The following RMND5B variants were observed in gnomAD, a reference collection of about 807,000 sequenced individuals.
The protein encoded by RMND5B is E3 ubiquitin-protein transferase RMND5B.
A neutral mutation model predicts 50.4 loss-of-function variants in RMND5B; 42 were observed. That is an observed-to-expected ratio of 0.83 (90% CI 0.65 to 1.08). RMND5B has a LOEUF of 1.08. Ranked by LOEUF, RMND5B falls within the 50% of genes least tolerant of loss-of-function variation. The pLI is 0.00. For synonymous variants in RMND5B, 220 were observed against 210.0 expected, an observed-to-expected ratio of 1.05 and a Z score of -0.41; for missense variants, 463 against 508.5, an observed-to-expected ratio of 0.91 and a Z score of 0.86.
intron 2 of RMND5B, among the ~76,000 whole-genome samples, chr5:178,133,847 G>T (rs1295555856): frequency 2.0e-5 from 3 of 152,076 alleles, no homozygotes; most frequent in Non-Finnish European, 2.9e-5. Flanking sequence ...GAGTAGCTGG[G>T]ACTACGGGTG....
chr5:178,133,427 CG>C (rs1758441401), intron 2 of RMND5B: 1 of 152,130 alleles, frequency 6.6e-6, no homozygotes, highest in South Asian at 2.1e-4. Flanking sequence ...AAATTTGAGA[CG>C]GAGTTTTTGC....
At position 178,138,320 on chromosome 5, in the gene RMND5B, G is replaced by C; in HGVS notation, c.139+62G>C. 6.3e-7 allele frequency: 1 copy of C among 1,582,676 alleles called. No individual in the cohort carries two copies. The highest frequency in any genetic ancestry group is 8.6e-7 in the Non-Finnish European group (1 of 1,164,298). On this transcript the variant is annotated intron_variant, in intron 3 of 10. Coordinates refer to ENST00000313386, the MANE Select transcript of RMND5B (RefSeq NM_022762.5). The surrounding 1 kb of genome is among the most constrained non-coding windows in gnomAD (Gnocchi z 5.1). ...TCCCTGAGGACATGGGAGACCCGAA[G>C]CTACTGAGTGACAGGGTTCCGGAAG...
rs529697711 is a variant in RMND5B, at chr5:178,142,699, G to A, written c.256G>A (p.Val86Ile). 1.9e-6 allele frequency: 3 copies of A among 1,614,240 alleles called. No homozygotes were observed. Among genetic ancestry groups the A allele is most frequent in the East Asian group, 4.5e-5 (2 of 44,886 alleles). The stretch of plus-strand genomic sequence containing the variant: ...GGACCATAAGGACATTCACAGCAGT[G>A]TATCCCGAGTGGGCAAAGCCATTGA... ...ASDHKDIHSS[V>I]SRVGKAIDRN... Residue 86 changes from valine to isoleucine, a missense_variant, in exon 4 of 11, where the codon GTA (valine) becomes ATA (isoleucine). Transcript: ENST00000313386.
At chr5:178,132,095 T>C (rs1758343052) in intron 2 of RMND5B, among the ~76,000 whole-genome samples, 1 of 152,122 alleles carries the variant, frequency 6.6e-6, no homozygotes, top group Admixed American at 6.6e-5. Context: ...GGCAGACGGC[T>C]TGAGCTCAGC....
intron 1 of RMND5B, 85 bp from the exon 2 acceptor site, chr5:178,131,152 C>T (rs911627497): frequency 6.6e-6 from 1 of 152,234 alleles, no homozygotes; most frequent in Admixed American, 6.5e-5. Flanking sequence ...CTCGGCCGGC[C>T]TCCCGGGCCC....
intron 5 of RMND5B, 119 bp downstream of exon 5, chr5:178,143,111 C>T: frequency 1.7e-6 from 2 of 1,205,810 alleles, no homozygotes; most frequent in Non-Finnish European, 2.3e-6. Flanking sequence ...AAATCAGCAC[C>T]TCTGCCAGAA....
Position 178,142,745 on chromosome 5 carries a change from C to T in RMND5B, c.285+17C>T. On this transcript the variant is annotated intron_variant, in intron 4 of 10. Coordinates refer to ENST00000313386, the MANE Select transcript of RMND5B (RefSeq NM_022762.5). ...ATTGACAGGGTGAGCACGTGGCCGG[C>T]TCCAGGCGTGGGGTGGGAGCACCCT... The T allele has an allele frequency of 6.2e-7, 1 of 1,614,256 alleles. No individual in the cohort carries two copies.
Position 178,138,375 on chromosome 5 carries a change from C to T in RMND5B, c.139+117C>T, listed in dbSNP as rs924492944. On this transcript the variant is annotated intron_variant, in intron 3 of 10. Coordinates refer to ENST00000313386, the MANE Select transcript of RMND5B (RefSeq NM_022762.5). The surrounding 1 kb of genome is among the most constrained non-coding windows in gnomAD (Gnocchi z 5.1). ...ATGATGAGGATGTTGGTACCTGCAT[C>T]TGTAGGCCTCCTTGAAACCGGGTAA... is the stretch of plus-strand genomic sequence containing the variant. 6 of 1,441,302 alleles carry T rather than the reference C, an allele frequency of 4.2e-6. No homozygotes were observed. The highest frequency in any genetic ancestry group is 5.5e-6 in the Non-Finnish European group (6 of 1,096,390). The allele number at this position is 1,441,302 out of a possible 1,614,324, so 89.3% of individuals were successfully genotyped here.
Position 178,147,611 on chromosome 5 carries a change from C to A in RMND5B, c.939C>A (p.Val313=). 6.2e-7 allele frequency: 1 copy of A among 1,614,144 alleles called. No individual in the cohort carries two copies. The highest frequency in any genetic ancestry group is 8.5e-7 in the Non-Finnish European group (1 of 1,180,020). The change falls in exon 9 of 11, where the codon GTC becomes GTA. Residue 313 remains valine (V), a synonymous_variant. Transcript: ENST00000313386. Reference sequence around the variant, plus strand: ...TTGAGCAGCGGCAGTGCACTGGGGTCTGGAATCACAAGGACGAGTTACCGG... The same window carrying A: ...TTGAGCAGCGGCAGTGCACTGGGGTATGGAATCACAAGGACGAGTTACCGG... The part of the protein sequence containing the change: ...AVIEQRQCTG[V]WNHKDELPIE...
rs183796218 is a variant in RMND5B at position 178,143,725 on chromosome 5, G to A, written c.525G>A (p.Leu175=). 2 of 1,611,358 alleles carry A rather than the reference G, an allele frequency of 1.2e-6. No individual in the cohort carries two copies. The highest frequency in any genetic ancestry group is 2.2e-5 in the East Asian group (1 of 44,868). Residue 175 remains leucine (L), a splice_region_variant and synonymous_variant, in exon 6 of 11, where the codon TTG becomes TTA. Coordinates refer to ENST00000313386, the MANE Select transcript of RMND5B (RefSeq NM_022762.5). ...ALHEQDLGPA[L]EWAVSHRQRL... is the part of the protein sequence containing the mutation. ...ACGAACAAGACCTGGGTCCTGCGTT[G>A]GAGTAAGGAGGCCCTTGGGTGGGCC... is the stretch of plus-strand genomic sequence containing the variant.
intron 5 of RMND5B, among the ~76,000 whole-genome samples, chr5:178,143,249 A>G (rs1038260719): frequency 6.6e-6 from 1 of 152,246 alleles, no homozygotes; most frequent in Non-Finnish European, 1.5e-5. Flanking sequence ...GCTGAGTGAA[A>G]TGACAAAGTA....
At chr5:178,133,652 C>T (rs1355415510) in intron 2 of RMND5B, 1 of 152,168 alleles carries the variant, frequency 6.6e-6, no homozygotes, top group Non-Finnish European at 1.5e-5. Context: ...GGTGAGCCAC[C>T]CACCTCAGCC....
Position 178,150,370 on chromosome 5 carries a change from C to T in RMND5B, c.*2338C>T, listed in dbSNP as rs1391638605. The stretch of plus-strand genomic sequence containing the variant: ...AGTGATACTGTAGGTACCCAAGATC[C>T]ACCCCCAGCCTCTATTTTTTTTTTT... On this transcript the variant is annotated 3_prime_UTR_variant, in exon 11 of 11. Coordinates refer to ENST00000313386, the MANE Select transcript of RMND5B (RefSeq NM_022762.5). 4 of 257,180 alleles carry T rather than the reference C, an allele frequency of 1.6e-5. No homozygotes were observed. The highest frequency in any genetic ancestry group is 3.1e-5 in the Non-Finnish European group (4 of 130,634). 15.9% of individuals were successfully genotyped at this position (257,180 alleles called of 1,614,324 possible).
chr5:178,132,073 G>T (rs1758341952), intron 2 of RMND5B, among the ~76,000 whole-genome samples: 1 of 152,160 alleles, frequency 6.6e-6, no homozygotes. Flanking sequence ...AGCACTTTGG[G>T]AGGCTGAGAC....
At chr5:178,131,573 TAAAA>T (rs33915769) in intron 2 of RMND5B, among the ~76,000 whole-genome samples, 197 bp downstream of exon 2, 3 of 139,226 alleles carry the variant, frequency 2.2e-5, no homozygotes, top group Non-Finnish European at 3.1e-5. Flanking sequence ...GACTGTATAG[TAAAA>T]AAAAAAAAAA....
intron 3 of RMND5B, chr5:178,142,115 T>A (rs1359673351): frequency 6.2e-6 from 1 of 161,616 alleles, no homozygotes; most frequent in Non-Finnish European, 1.4e-5. Flanking sequence ...TTCCACCTTC[T>A]GGCTATTATA....
rs747738304 is a variant in RMND5B at position 178,148,015 on chromosome 5, A to G, written c.1165A>G (p.Lys389Glu). 34 of 1,613,906 alleles carry G rather than the reference A, an allele frequency of 2.1e-5. No homozygotes were observed. The highest frequency in any genetic ancestry group is 2.7e-5 in the African/African-American group (2 of 74,836). ...CATGGAGCAGAACCCGGCAGATGGGAAACGCATCATATTCTGATTCCTACC... is the reference window on the plus strand; with the variant it reads ...CATGGAGCAGAACCCGGCAGATGGGGAACGCATCATATTCTGATTCCTACC... Reference protein sequence around the residue: ...CPMEQNPADGKRIIF With the variant: ...CPMEQNPADGERIIF The change falls in exon 11 of 11, where the codon AAA becomes GAA. Residue 389 changes from lysine to glutamate, a missense_variant. Transcript: ENST00000313386.
chr5:178,143,170 T>C (rs1443951154), intron 5 of RMND5B, among the ~76,000 whole-genome samples, 178 bp downstream of exon 5: 1 of 152,220 alleles, frequency 6.6e-6, no homozygotes, highest in Non-Finnish European at 1.5e-5. Flanking sequence ...AAGTTACTCA[T>C]TTTTAGTTAG....
chr5:178,138,798 T>C lies in RMND5B; in HGVS notation c.139+540T>C, dbSNP rs930706342. 6.6e-6 allele frequency among the ~76,000 whole-genome samples: 1 copy of C among 152,244 alleles called. No homozygotes were observed. The highest frequency in any genetic ancestry group is 1.5e-5 in the Non-Finnish European group (1 of 68,048). ...ATGTTGCCATATTTGCCGTGATCAT[T>C]ACTTTTTAACCATTTGAAAATAAGT... On this transcript the variant is annotated intron_variant, in intron 3 of 10. Coordinates refer to ENST00000313386, the MANE Select transcript of RMND5B (RefSeq NM_022762.5). The surrounding 1 kb of genome is among the most constrained non-coding windows in gnomAD (Gnocchi z 5.1).
Sources: allele counts gnomAD v4.1 joint callset (sites outside exome capture counted in the v4.1 genomes callset), GRCh38; gene constraint gnomAD v4.1.1; non-coding constraint Gnocchi (gnomAD v3.1); transcripts MANE v1.5; gene names NCBI Gene and HGNC (gene_info 2026-07-23, HGNC 2026-07-21).